NLGN1: variants seen among roughly 807,000 people sequenced by gnomAD.
NLGN1 encodes the protein neuroligin-1.
NLGN1 carries 12 observed loss-of-function variants against 65.5 expected under a neutral mutation model. The observed-to-expected ratio is 0.18, with a 90% confidence interval of 0.12 to 0.30. The LOEUF (loss-of-function observed/expected upper bound fraction) is 0.30, where lower values mean the gene tolerates loss of function less well. Among genes scored for constraint, NLGN1 ranks in the 10% least tolerant of loss-of-function variants. NLGN1 has a pLI of 1.00. For missense variants in NLGN1, 750 were observed against 1,007.1 expected (o/e 0.74, Z 3.46); for synonymous variants, 350 against 359.5 (o/e 0.97, Z 0.30).
At chr3:174,186,030 A>G (rs1345537) in intron 4 of NLGN1, among the ~76,000 whole-genome samples, 113,653 of 151,780 alleles carry the variant, frequency 0.75, 42,643 homozygotes, top group Admixed American at 0.77. Flanking sequence ...TAAATTTTAC[A>G]GGGAGAGTGA....
chr3:174,086,574 C>G (rs887137470), intron 4 of NLGN1, among the ~76,000 whole-genome samples: 4 of 151,224 alleles, frequency 2.6e-5, no homozygotes, highest in African/African-American at 9.7e-5. Context: ...TCAGTATAAG[C>G]CACTATATAA....
intron 3 of NLGN1, among the ~76,000 whole-genome samples, chr3:173,777,767 TG>T (rs1467883981): frequency 6.6e-6 from 1 of 151,802 alleles, no homozygotes; most frequent in East Asian, 1.9e-4. Flanking sequence ...AGAATAAACA[TG>T]GGAGTGCAGA....
chr3:174,227,569 A>T (rs1420761383), intron 4 of NLGN1, among the ~76,000 whole-genome samples: 2 of 152,100 alleles, frequency 1.3e-5, no homozygotes, highest in Non-Finnish European at 2.9e-5. Context: ...CAGGAAAGTT[A>T]TATTTTTAGG....
At chr3:174,291,959 A>G in the NLGN1 span, among the ~76,000 whole-genome samples, 2 of 151,284 alleles carry the variant, frequency 1.3e-5, no homozygotes, top group South Asian at 2.1e-4. Flanking sequence ...ATTACTTTCA[A>G]TAATCATATT....
At chr3:173,867,891 A>G (rs914902905) in intron 4 of NLGN1, among the ~76,000 whole-genome samples, 6 of 152,132 alleles carry the variant, frequency 3.9e-5, no homozygotes, top group African/African-American at 1.4e-4. Context: ...TGTTGTTTGA[A>G]TTGAATATTG....
intron 4 of NLGN1, among the ~76,000 whole-genome samples, chr3:174,119,265 G>T (rs930707236): frequency 2.0e-5 from 3 of 151,970 alleles, no homozygotes; most frequent in Non-Finnish European, 4.4e-5. Context: ...ATTTCTAAAT[G>T]TACATGTTTC....
chr3:173,479,352 A>G (rs1378544855), intron 2 of NLGN1, among the ~76,000 whole-genome samples: 3 of 152,188 alleles, frequency 2.0e-5, no homozygotes, highest in South Asian at 2.1e-4. Flanking sequence ...ATAGAATCCC[A>G]AGCCAGAATA....
chr3:173,875,337 C>G (rs1178629403), intron 4 of NLGN1, among the ~76,000 whole-genome samples: 1 of 152,184 alleles, frequency 6.6e-6, no homozygotes, highest in Non-Finnish European at 1.5e-5. Flanking sequence ...AAGATCTGTA[C>G]TCAAGTCCTG....
intron 4 of NLGN1, among the ~76,000 whole-genome samples, chr3:174,055,008 A>G (rs1735737270): frequency 6.6e-6 from 1 of 151,944 alleles, no homozygotes; most frequent in Non-Finnish European, 1.5e-5. Flanking sequence ...TTAGCACTAG[A>G]GTCACCTCCT....
At chr3:174,116,330 CT>C (rs1168837585) in intron 4 of NLGN1, among the ~76,000 whole-genome samples, 12,197 of 69,584 alleles carry the variant, frequency 0.18, 4,096 homozygotes, top group African/African-American at 0.27. Context: ...TCTGGGTTTT[CT>C]TTTTTTTTTT....
intron 3 of NLGN1, among the ~76,000 whole-genome samples, chr3:173,620,114 G>A (rs896163544): frequency 6.6e-6 from 1 of 152,128 alleles, no homozygotes; most frequent in African/African-American, 2.4e-5. Flanking sequence ...AATCAGATGA[G>A]CACTGTAGAA....
chr3:173,797,081 G>A (rs2150390047), intron 3 of NLGN1, among the ~76,000 whole-genome samples: 1 of 152,210 alleles, frequency 6.6e-6, no homozygotes, highest in African/African-American at 2.4e-5. Flanking sequence ...TTCCAGCAGG[G>A]GAAGAGGGAA....
chr3:174,065,579 C>T (rs1041544559), intron 4 of NLGN1, among the ~76,000 whole-genome samples: 3 of 152,088 alleles, frequency 2.0e-5, no homozygotes, highest in African/African-American at 7.2e-5. Flanking sequence ...AAATACGTCT[C>T]ATTGATTCCT....
chr3:173,760,844 T>C (rs989473747), intron 3 of NLGN1, among the ~76,000 whole-genome samples: 7 of 152,058 alleles, frequency 4.6e-5, no homozygotes, highest in African/African-American at 1.7e-4. Context: ...CTAAAATGTC[T>C]AACTCATTAA....
At chr3:174,182,341 A>G (rs1366782687) in intron 4 of NLGN1, among the ~76,000 whole-genome samples, 6 of 152,164 alleles carry the variant, frequency 3.9e-5, no homozygotes, top group Non-Finnish European at 7.3e-5. Context: ...TAAATCAACT[A>G]GCAAGTACCT....
At position 173,464,655 on chromosome 3, in the gene NLGN1, G is replaced by A. The variant is rs1490290305; in HGVS notation, c.-321+29577G>A. On this transcript the variant is annotated intron_variant, in intron 2 of 6. Coordinates refer to ENST00000457714, the Ensembl canonical transcript of NLGN1. ...TCTCCATGTTGGTCAGGCTGCTCTC[G>A]AACTCCCGACCTTAGGTGATCTGCC... is the stretch of plus-strand genomic sequence containing the variant. Among the ~76,000 whole-genome samples, 56 of 151,920 alleles carry A rather than the reference G, an allele frequency of 3.7e-4. 1 individual carries two copies. The highest frequency in any genetic ancestry group is 2.1e-4 in the South Asian group (1 of 4,810).
intron 4 of NLGN1, among the ~76,000 whole-genome samples, chr3:173,831,717 T>C (rs2150598325): frequency 6.6e-6 from 1 of 152,318 alleles, no homozygotes; most frequent in South Asian, 2.1e-4. Context: ...GCCCAATTTA[T>C]ATCAGTTAAA....
chr3:173,555,507 T>C (rs1050423185), intron 2 of NLGN1, among the ~76,000 whole-genome samples: 14 of 152,124 alleles, frequency 9.2e-5, no homozygotes, highest in African/African-American at 3.1e-4. Context: ...TGAGACTAGG[T>C]CTCACTCTGT....
At position 174,159,586 on chromosome 3, in the gene NLGN1, A is replaced by C. The variant is rs185308407; in HGVS notation, c.647-115729A>C. ...AACAAGGTAAGAGATTTTCTAAAAG[A>C]GGTGGAGAGACAAAGAAATATTTAT... On this transcript the variant is annotated intron_variant, in intron 4 of 6. Transcript: ENST00000457714. Among the ~76,000 whole-genome samples the C allele has an allele frequency of 4.6e-5, 7 of 151,880 alleles. No individual in the cohort carries two copies. The East Asian group carries it at 1.2e-3, about 25-fold the overall frequency.
Sources: allele counts gnomAD v4.1 joint callset (sites outside exome capture counted in the v4.1 genomes callset), GRCh38; gene constraint gnomAD v4.1.1; transcripts MANE v1.5; gene names NCBI Gene and HGNC (gene_info 2026-07-23, HGNC 2026-07-21).